Variants in FBN2 observed in about 807,000 individuals in gnomAD.
FBN2 encodes fibrillin 2, also known as fibrillin-2.
In FBN2, 105 loss-of-function variants were observed where a neutral mutation model predicts 355.6. The ratio of observed to expected loss-of-function variants is 0.30; its 90% CI spans 0.25 to 0.35. The LOEUF (loss-of-function observed/expected upper bound fraction) is 0.35, where lower values mean the gene tolerates loss of function less well. Ranked by LOEUF, FBN2 falls within the 10% of genes least tolerant of loss-of-function variation. The pLI is 1.00. For missense variants in FBN2, 3,280 were observed against 3,758.7 expected, an observed-to-expected ratio of 0.87 and a Z score of 3.33; for synonymous variants, 1,350 against 1,301.2, an observed-to-expected ratio of 1.04 and a Z score of -0.81.
intron 5 of FBN2, among the ~76,000 whole-genome samples, chr5:128,518,613 C>T (rs1338470320): frequency 2.0e-5 from 3 of 152,158 alleles, no homozygotes; most frequent in South Asian, 2.1e-4. Context: ...AACCAGGCAG[C>T]GTACAAAGTG....
Position 128,451,456 on chromosome 5 carries a change from A to G in FBN2, c.827-4850T>C, listed in dbSNP as rs528496236. Among the ~76,000 whole-genome samples the G allele has an allele frequency of 9.5e-4, 145 of 152,088 alleles. 1 individual carries two copies. The highest frequency in any genetic ancestry group is 3.9e-4 in the East Asian group (2 of 5,172). The stretch of plus-strand genomic sequence containing the variant: ...CTCCTGTTGCCCAGGTTGGAGTGCA[A>G]TGGTGCGATCTCGGCTCCCTGCAAC... On this transcript the variant is annotated intron_variant, in intron 6 of 64. Coordinates refer to ENST00000262464, the MANE Select transcript of FBN2 (RefSeq NM_001999.4).
At chr5:128,373,838 A>G (rs1198056142) in intron 15 of FBN2, among the ~76,000 whole-genome samples, 1 of 152,164 alleles carries the variant, frequency 6.6e-6, no homozygotes, top group Admixed American at 6.5e-5. Context: ...AATAACCTAG[A>G]GGAATCTGAA....
chr5:128,382,537 G>A (rs776067751), intron 11 of FBN2, among the ~76,000 whole-genome samples: 8 of 151,902 alleles, frequency 5.3e-5, no homozygotes, highest in South Asian at 2.1e-4. Context: ...ACTCTACCCC[G>A]GACATTCCTC....
intron 38 of FBN2, among the ~76,000 whole-genome samples, 190 bp downstream of exon 38, chr5:128,311,695 C>T (rs142374006): frequency 2.4e-3 from 362 of 152,210 alleles, no homozygotes; most frequent in Non-Finnish European, 4.1e-3. Context: ...AACAGTCAGA[C>T]GTCAAATCAC....
intron 6 of FBN2, 110 bp downstream of exon 6, chr5:128,464,614 G>A: frequency 3.3e-6 from 4 of 1,207,396 alleles, no homozygotes. Context: ...GGCCACTCTT[G>A]GAAATCAGTA....
intron 7 of FBN2, among the ~76,000 whole-genome samples, chr5:128,412,607 G>A (rs1753100296): frequency 6.6e-6 from 1 of 152,170 alleles, no homozygotes; most frequent in African/African-American, 2.4e-5. Flanking sequence ...AACAGCATGG[G>A]CAACTGGGTC....
chr5:128,425,127 CAAACTTAAAACTTA>C (rs1046803243), intron 7 of FBN2, among the ~76,000 whole-genome samples: 1 of 151,200 alleles, frequency 6.6e-6, no homozygotes, highest in African/African-American at 2.4e-5. Flanking sequence ...CACATTAGGA[CAAACTTAAAACTTA>C]AAACATAGAC....
chr5:128,468,876 T>A (rs1246486093), intron 5 of FBN2, among the ~76,000 whole-genome samples: 1 of 152,234 alleles, frequency 6.6e-6, no homozygotes. Flanking sequence ...AATGCCCTTT[T>A]CATAACATGT....
intron 16 of FBN2, among the ~76,000 whole-genome samples, chr5:128,367,850 C>T (rs985998862): frequency 6.6e-5 from 10 of 150,458 alleles, no homozygotes; most frequent in Admixed American, 2.6e-4. Context: ...TTTAGAACTA[C>T]GTTCTCCTCA....
intron 11 of FBN2, among the ~76,000 whole-genome samples, chr5:128,384,659 A>G (rs1437228879): frequency 6.6e-6 from 1 of 152,078 alleles, no homozygotes; most frequent in Non-Finnish European, 1.5e-5. Flanking sequence ...TTTTAGAAAT[A>G]AGTGCTTAGA....
At chr5:128,265,934 G>A (rs1344524475) in intron 62 of FBN2, among the ~76,000 whole-genome samples, 1 of 152,160 alleles carries the variant, frequency 6.6e-6, no homozygotes, top group Non-Finnish European at 1.5e-5. Context: ...GAGGATTCCG[G>A]GGGAAATCTG....
At chr5:128,421,176 C>T (rs1004615949) in intron 7 of FBN2, among the ~76,000 whole-genome samples, 4 of 152,162 alleles carry the variant, frequency 2.6e-5, no homozygotes, top group Non-Finnish European at 1.5e-5. Context: ...ATGCCATTTT[C>T]AGTAATCTGT....
intron 6 of FBN2, among the ~76,000 whole-genome samples, chr5:128,462,113 T>G (rs181567094): frequency 4.6e-5 from 7 of 152,316 alleles, no homozygotes; most frequent in African/African-American, 1.7e-4. Flanking sequence ...ACAACTAATT[T>G]CATCAGCTAC....
At chr5:128,455,990 C>CAAAAAAAGAAAAAAAAAAAA in intron 6 of FBN2, among the ~76,000 whole-genome samples, 1 of 25,272 alleles carries the variant, frequency 4.0e-5, no homozygotes, top group Non-Finnish European at 7.9e-5. Context: ...GGGTTAGCAA[C>CAAAAAAAGAAAAAAAAAAAA]AAAAAAAAAA....
intron 5 of FBN2, among the ~76,000 whole-genome samples, chr5:128,491,566 C>T (rs558528033): frequency 3.2e-4 from 48 of 152,318 alleles, no homozygotes; most frequent in Admixed American, 1.3e-3. Flanking sequence ...AAGCTTACGG[C>T]TTTGACACAA....
At chr5:128,321,541 T>C (rs1750375074) in intron 34 of FBN2, among the ~76,000 whole-genome samples, 1 of 152,160 alleles carries the variant, frequency 6.6e-6, no homozygotes, top group South Asian at 2.1e-4. Context: ...GAACATGCAG[T>C]GTTCGGTTTT....
chr5:128,449,357 T>C (rs1178949781), intron 6 of FBN2, among the ~76,000 whole-genome samples: 2 of 145,008 alleles, frequency 1.4e-5, no homozygotes, highest in East Asian at 2.0e-4. Flanking sequence ...GTATACTATA[T>C]AGTATACTGT....
intron 4 of FBN2, among the ~76,000 whole-genome samples, chr5:128,521,203 A>T (rs1054354899): frequency 6.6e-6 from 1 of 152,124 alleles, no homozygotes; most frequent in African/African-American, 2.4e-5. Context: ...GGAACAACAT[A>T]ATGTCCTTTG....
intron 63 of FBN2, among the ~76,000 whole-genome samples, chr5:128,263,097 A>G (rs1334458723): frequency 6.6e-6 from 1 of 152,214 alleles, no homozygotes; most frequent in African/African-American, 2.4e-5. Flanking sequence ...CCAGGTATCC[A>G]TGGCAACGTG....
Sources: allele counts gnomAD v4.1 joint callset (sites outside exome capture counted in the v4.1 genomes callset), GRCh38; gene constraint gnomAD v4.1.1; transcripts MANE v1.5; gene names NCBI Gene and HGNC (gene_info 2026-07-23, HGNC 2026-07-21).